The following PRKN variants were observed in gnomAD, a reference collection of about 807,000 sequenced individuals.
PRKN encodes the protein E3 ubiquitin-protein ligase parkin.
PRKN carries 56 observed loss-of-function variants against 59.5 expected under a neutral mutation model. The ratio of observed to expected loss-of-function variants is 0.94; its 90% CI spans 0.76 to 1.18. PRKN has a LOEUF of 1.18. PRKN is among the 50% of genes most tolerant of loss of function. PRKN has a pLI of 0.00. For missense variants in PRKN, 657 were observed against 596.4 expected, an observed-to-expected ratio of 1.10 and a Z score of -1.06; for synonymous variants, 250 against 222.1, an observed-to-expected ratio of 1.13 and a Z score of -1.12.
At position 161,874,285 on chromosome 6, in the gene PRKN, T is replaced by A. The variant is rs1196176275; in HGVS notation, c.735-88377A>T. 4.3e-3 allele frequency among the ~76,000 whole-genome samples: 154 copies of A among 35,934 alleles called. 40 individuals carry two copies. The highest frequency in any genetic ancestry group is 0.012 in the African/African-American group (113 of 9,204). The allele number at this position is 35,934 out of a possible 152,430, so 23.6% of individuals were successfully genotyped here. On this transcript the variant is annotated intron_variant, in intron 6 of 11. Coordinates refer to ENST00000366898, the MANE Select transcript of PRKN (RefSeq NM_004562.3). ...TGTAAAATATATAATATATATTATA[T>A]ATTATATATTACATGTAAAATATTA...
chr6:161,716,976 G>A (rs1430381811), intron 7 of PRKN, among the ~76,000 whole-genome samples: 1 of 152,114 alleles, frequency 6.6e-6, no homozygotes. Flanking sequence ...GTTATCGGAG[G>A]GTAACACGGG....
At chr6:162,089,467 G>A (rs1008945276) in intron 4 of PRKN, among the ~76,000 whole-genome samples, 1 of 152,162 alleles carries the variant, frequency 6.6e-6, no homozygotes, top group African/African-American at 2.4e-5. Context: ...AGGGAAATTG[G>A]TACAGCCACT....
intron 7 of PRKN, among the ~76,000 whole-genome samples, chr6:161,706,980 T>C (rs1786526705): frequency 6.6e-6 from 1 of 152,176 alleles, no homozygotes; most frequent in Non-Finnish European, 1.5e-5. Flanking sequence ...AAAAGCGATA[T>C]CGAAAAACTT....
chr6:162,600,465 C>T (rs2846542), intron 1 of PRKN, among the ~76,000 whole-genome samples: 143,484 of 152,276 alleles, frequency 0.94, 67,718 homozygotes, highest in Middle Eastern at 0.97. Flanking sequence ...TGGACATACA[C>T]ACTTACATCT....
At position 161,399,754 on chromosome 6, in the gene PRKN, A is replaced by G. The variant is rs76754037; in HGVS notation, c.1084-12877T>C. On this transcript the variant is annotated intron_variant, in intron 9 of 11. Transcript: ENST00000366898. This position sits in a 1 kb window ranked among gnomAD's most constrained non-coding sequence, Gnocchi z 4.4. ...TAGTGTAATTCACTCTGCTAGTGTA[A>G]TTCTGCAACACTTTTGTCTTTTTGA... is the stretch of plus-strand genomic sequence containing the variant. 3.9e-3 allele frequency among the ~76,000 whole-genome samples: 589 copies of G among 152,218 alleles called. 5 individuals carry two copies. The highest frequency in any genetic ancestry group is 0.013 in the African/African-American group (540 of 41,520).
intron 4 of PRKN, among the ~76,000 whole-genome samples, chr6:162,166,401 C>T (rs947765557): frequency 1.3e-5 from 2 of 152,084 alleles, no homozygotes; most frequent in Admixed American, 1.3e-4. Context: ...TGGAACTGAC[C>T]AGGAAGGAGC....
In PRKN at chr6:162,063,583, C is replaced by T. The variant is rs530109077; in HGVS notation, c.535-9409G>A. On this transcript the variant is annotated intron_variant, in intron 4 of 11. Transcript: ENST00000366898. ...TTTTTGATACAGAGTTTCACTCGGTCGCTCAGGCTGGAGTGCAGTGGTGCG... is the reference window on the plus strand; with the variant it reads ...TTTTTGATACAGAGTTTCACTCGGTTGCTCAGGCTGGAGTGCAGTGGTGCG... Among the ~76,000 whole-genome samples the T allele has an allele frequency of 7.2e-5, 11 of 151,892 alleles. No homozygotes were observed. The South Asian group carries it at 2.3e-3, about 32-fold the overall frequency.
Position 161,393,672 on chromosome 6 carries a change from C to T in PRKN, c.1084-6795G>A, listed in dbSNP as rs1207639365. Among the ~76,000 whole-genome samples, 1 of 152,046 alleles carries T rather than the reference C, an allele frequency of 6.6e-6. No individual in the cohort carries two copies. The highest frequency in any genetic ancestry group is 1.5e-5 in the Non-Finnish European group (1 of 68,016). On this transcript the variant is annotated intron_variant, in intron 9 of 11. Transcript: ENST00000366898. The surrounding 1 kb of genome is among the most constrained non-coding windows in gnomAD (Gnocchi z 4.7). The stretch of plus-strand genomic sequence containing the variant: ...TAATGCAATCGGAATATTCCAGTGG[C>T]TGCTGATCAATCAGGTTGAGAGCCA...
intron 9 of PRKN, among the ~76,000 whole-genome samples, chr6:161,465,226 G>A (rs921699853): frequency 5.3e-5 from 8 of 152,134 alleles, no homozygotes; most frequent in African/African-American, 1.4e-4. Flanking sequence ...TTTGAAAGGC[G>A]ACATGCTTTC....
intron 1 of PRKN, among the ~76,000 whole-genome samples, chr6:162,498,907 C>G (rs1403581848): frequency 6.6e-6 from 1 of 152,040 alleles, no homozygotes; most frequent in Non-Finnish European, 1.5e-5. Flanking sequence ...TGATCATTGT[C>G]TAGGTATGAC....
rs910063835 is a variant in PRKN at position 161,428,451 on chromosome 6, G to A, written c.1084-41574C>T. Among the ~76,000 whole-genome samples the A allele has an allele frequency of 3.3e-5, 5 of 152,118 alleles. No homozygotes were observed. The highest frequency in any genetic ancestry group is 2.0e-4 in the Admixed American group (3 of 15,280). On this transcript the variant is annotated intron_variant, in intron 9 of 11. Transcript: ENST00000366898. The surrounding 1 kb of genome is among the most constrained non-coding windows in gnomAD (Gnocchi z 4.0). ...AGGGTCCACACGAGCCTCATGGAGA[G>A]ACAGGCGGCTGCTCCGTCCATCTTC... is the stretch of plus-strand genomic sequence containing the variant.
rs1358450839 is a variant in PRKN at position 162,021,148 on chromosome 6, A to G, written c.618+32943T>C. On this transcript the variant is annotated intron_variant, in intron 5 of 11. Transcript: ENST00000366898. ...TATATATATATATATATATATATAT[A>G]TATATATATATATATATAAAATATA... is the stretch of plus-strand genomic sequence containing the variant. 6.2e-4 allele frequency among the ~76,000 whole-genome samples: 8 copies of G among 12,930 alleles called. 1 individual carries two copies. The highest frequency in any genetic ancestry group is 1.2e-3 in the Admixed American group (1 of 850). The allele number at this position is 12,930 out of a possible 152,430, so 8.5% of individuals were successfully genotyped here. A position where few individuals can be genotyped will look rare whatever the true frequency, so the allele number is the denominator to read the frequency against.
At chr6:162,559,695 T>C (rs944525861) in intron 1 of PRKN, among the ~76,000 whole-genome samples, 1 of 152,194 alleles carries the variant, frequency 6.6e-6, no homozygotes, top group Non-Finnish European at 1.5e-5. Context: ...CTATCCATTT[T>C]GTGTCTTCTC....
intron 6 of PRKN, among the ~76,000 whole-genome samples, chr6:161,851,787 T>C (rs1349837833): frequency 2.0e-5 from 3 of 150,502 alleles, no homozygotes; most frequent in Non-Finnish European, 3.0e-5. Context: ...AAATAACGTG[T>C]TTTTAATAGT....
chr6:162,492,084 T>C (rs986172319), intron 1 of PRKN, among the ~76,000 whole-genome samples: 2 of 152,154 alleles, frequency 1.3e-5, no homozygotes, highest in African/African-American at 2.4e-5. Context: ...CATGCCCTCA[T>C]GCCCCAAGTC....
At chr6:162,591,343 C>T (rs1335701014) in intron 1 of PRKN, among the ~76,000 whole-genome samples, 4 of 151,852 alleles carry the variant, frequency 2.6e-5, no homozygotes, top group Non-Finnish European at 5.9e-5. Flanking sequence ...GTATCCTCTT[C>T]TTAATTTTTT....
chr6:162,663,923 TA>T (rs376796113), intron 1 of PRKN, among the ~76,000 whole-genome samples: 50 of 145,758 alleles, frequency 3.4e-4, no homozygotes, highest in Middle Eastern at 3.5e-3. Flanking sequence ...TTATTTCCTC[TA>T]AAAAAAAAAG....
intron 2 of PRKN, among the ~76,000 whole-genome samples, chr6:162,410,816 A>G (rs1268077940): frequency 6.6e-6 from 1 of 152,128 alleles, no homozygotes; most frequent in African/African-American, 2.4e-5. Context: ...GTTCAGATTC[A>G]AGGAAGCCTC....
At chr6:162,592,688 C>T (rs1358050247) in intron 1 of PRKN, among the ~76,000 whole-genome samples, 2 of 152,012 alleles carry the variant, frequency 1.3e-5, no homozygotes, top group African/African-American at 4.8e-5. Flanking sequence ...AGAAATAAAA[C>T]CAAGTAGGTA....
Sources: gnomAD v4.1 joint callset for allele counts (sites outside exome capture counted in the v4.1 genomes callset) on GRCh38, gnomAD v4.1.1 for gene constraint, Gnocchi (gnomAD v3.1) non-coding constraint, MANE v1.5 for transcripts, NCBI Gene and HGNC (gene_info 2026-07-23, HGNC 2026-07-21) for gene names.